Variants in BLK observed in about 807,000 individuals in gnomAD.
BLK encodes the protein BLK proto-oncogene, Src family tyrosine kinase.
BLK carries 64 observed loss-of-function variants against 61.8 expected under a neutral mutation model. The ratio of observed to expected loss-of-function variants is 1.03; its 90% CI spans 0.85 to 1.27. BLK has a LOEUF of 1.27. BLK is among the 50% of genes most tolerant of loss of function. The probability of loss-of-function intolerance (pLI) is 0.00; values close to 1 mark genes in which losing one functional copy is unlikely to be tolerated. For synonymous variants in BLK, 351 were observed against 272.0 expected (o/e 1.29, Z -2.86); for missense variants, 853 against 660.5 (o/e 1.29, Z -3.19).
chr8:11,546,486 G>C (rs1248381335), intron 3 of BLK, among the ~76,000 whole-genome samples: 2 of 152,150 alleles, frequency 1.3e-5, no homozygotes, highest in African/African-American at 2.4e-5. Context: ...GCTCTATGTG[G>C]AGGGCACCTT....
intron 1 of BLK, among the ~76,000 whole-genome samples, chr8:11,515,900 G>C (rs535959587): frequency 6.6e-6 from 1 of 152,230 alleles, no homozygotes; most frequent in Non-Finnish European, 1.5e-5. Context: ...ATATAGAATA[G>C]AGAATACCCA....
intron 1 of BLK, among the ~76,000 whole-genome samples, chr8:11,508,473 C>G (rs758945910): frequency 2.6e-5 from 4 of 152,320 alleles, no homozygotes; most frequent in Middle Eastern, 3.4e-3. Flanking sequence ...ATGTGTGGGA[C>G]CTTCCTTGGC....
intron 9 of BLK, 127 bp downstream of exon 9, chr8:11,556,964 TGTGGGGACAGGGA>T: frequency 1.4e-6 from 1 of 738,032 alleles, no homozygotes; most frequent in Non-Finnish European, 1.9e-6. Context: ...CATGGCACGG[TGTGGGGACAGGGA>T]GGGATGGAGG....
At chr8:11,543,157 C>T in intron 1 of BLK, 67 bp from the exon 2 acceptor site, 1 of 1,609,732 alleles carries the variant, frequency 6.2e-7, no homozygotes, top group East Asian at 2.2e-5. Flanking sequence ...GGCCAGGGAT[C>T]CCCTCTGTGC....
chr8:11,506,811 C>G (rs896550121), intron 1 of BLK, among the ~76,000 whole-genome samples: 1 of 152,218 alleles, frequency 6.6e-6, no homozygotes, highest in Non-Finnish European at 1.5e-5. Context: ...AGGGATGCAT[C>G]CTCCCACTCT....
At position 11,563,028 on chromosome 8, in the gene BLK, G is replaced by C; in HGVS notation, c.1230G>C (p.Gly410=). 2 of 1,614,152 alleles carry C rather than the reference G, an allele frequency of 1.2e-6. No individual in the cohort carries two copies. The highest frequency in any genetic ancestry group is 2.2e-5 in the South Asian group (2 of 91,086). ...KWTAPEAIHF[G]VFTIKADVWS... is the part of the protein sequence containing the mutation. Reference sequence around the variant, plus strand: ...CAGCCCCGGAAGCCATCCACTTCGGGGTCTTCACCATCAAAGCAGACGTGT... The same window carrying C: ...CAGCCCCGGAAGCCATCCACTTCGGCGTCTTCACCATCAAAGCAGACGTGT... Residue 410 remains glycine (G), a synonymous_variant, in exon 12 of 13, where the codon GGG becomes GGC. Coordinates refer to ENST00000259089, the MANE Select transcript of BLK (RefSeq NM_001715.3).
At position 11,520,672 on chromosome 8, in the gene BLK, G is replaced by C. The variant is rs138102397; in HGVS notation, c.-1-22552G>C. On this transcript the variant is annotated intron_variant, in intron 1 of 12. Coordinates refer to ENST00000259089, the MANE Select transcript of BLK (RefSeq NM_001715.3). ...GAAGTGAGAGACGCCTGCTAACATT[G>C]AGATAATTTAACTTTGTTTTGGGAA... 1.2e-4 allele frequency among the ~76,000 whole-genome samples: 19 copies of C among 152,150 alleles called. No individual in the cohort carries two copies. The East Asian group carries it at 3.7e-3, about 29-fold the overall frequency.
intron 1 of BLK, among the ~76,000 whole-genome samples, chr8:11,535,312 G>GAAAGA (rs1554448116): frequency 1.5e-5 from 2 of 134,100 alleles, no homozygotes; most frequent in Admixed American, 7.2e-5. Context: ...AAGAAAGAAA[G>GAAAGA]AAAGAAAGAA....
At chr8:11,544,720 C>A (rs1800544088) in intron 2 of BLK, among the ~76,000 whole-genome samples, 1 of 152,218 alleles carries the variant, frequency 6.6e-6, no homozygotes, top group Non-Finnish European at 1.5e-5. Context: ...CGAGACCCTT[C>A]TTCCGTGTGT....
In BLK at chr8:11,554,832, T is replaced by C. The variant is rs1202301255; in HGVS notation, c.562T>C (p.Tyr188His). The C allele has an allele frequency of 1.2e-6, 2 of 1,614,056 alleles. No homozygotes were observed. Among genetic ancestry groups the C allele is most frequent in the South Asian group, 2.2e-5 (2 of 91,076 alleles). ...KIRCLDEGGY[Y>H]ISPRITFPSL... Reference sequence around the variant, plus strand: ...CCGCTGCCTGGATGAAGGGGGCTACTACATCTCCCCCCGGATCACCTTCCC... The same window carrying C: ...CCGCTGCCTGGATGAAGGGGGCTACCACATCTCCCCCCGGATCACCTTCCC... Residue 188 changes from tyrosine (Y) to histidine (H), a missense_variant, in exon 7 of 13, where the codon TAC (tyrosine) becomes CAC (histidine). Coordinates refer to ENST00000259089, the MANE Select transcript of BLK (RefSeq NM_001715.3).
chr8:11,504,190 T>TGG (rs1310334480), intron 1 of BLK, among the ~76,000 whole-genome samples: 1 of 151,940 alleles, frequency 6.6e-6, no homozygotes, highest in East Asian at 1.9e-4. Flanking sequence ...GGTGTGGTGG[T>TGG]GTGCGACTGT....
chr8:11,556,574 G>C, intron 8 of BLK, 84 bp from the exon 9 acceptor site: 1 of 1,550,190 alleles, frequency 6.5e-7, no homozygotes, highest in Non-Finnish European at 8.9e-7. Context: ...TGGCACCTGG[G>C]CACTTACCCC....
intron 10 of BLK, chr8:11,561,084 G>GC (rs1377804127): frequency 1.4e-6 from 1 of 706,520 alleles, no homozygotes; most frequent in Non-Finnish European, 2.6e-6. Flanking sequence ...GGCACAGGTA[G>GC]CCCCTGTGTC....
chr8:11,530,898 T>A (rs982353238), intron 1 of BLK, among the ~76,000 whole-genome samples: 1 of 152,268 alleles, frequency 6.6e-6, no homozygotes, highest in Non-Finnish European at 1.5e-5. Flanking sequence ...GTGAAATATC[T>A]GGGTCACAGG....
chr8:11,508,258 G>T (rs1199782761), intron 1 of BLK, among the ~76,000 whole-genome samples: 1 of 152,348 alleles, frequency 6.6e-6, no homozygotes, highest in East Asian at 1.9e-4. Context: ...GCACATGCTG[G>T]GAAATCACCC....
At chr8:11,535,346 G>A (rs1198240245) in intron 1 of BLK, among the ~76,000 whole-genome samples, 1 of 150,968 alleles carries the variant, frequency 6.6e-6, no homozygotes, top group Non-Finnish European at 1.5e-5. Context: ...GGAAGGGAAG[G>A]AAGGAAAGGA....
intron 1 of BLK, among the ~76,000 whole-genome samples, chr8:11,505,749 G>T (rs1798748413): frequency 2.0e-5 from 3 of 152,174 alleles, no homozygotes. Context: ...CAAGGGCCAA[G>T]TCTCCCATTG....
intron 1 of BLK, among the ~76,000 whole-genome samples, chr8:11,516,643 G>A (rs80166916): frequency 6.6e-6 from 1 of 152,222 alleles, no homozygotes; most frequent in East Asian, 1.9e-4. Context: ...TCGATGAATT[G>A]GGCTACTTTA....
chr8:11,554,736 C>T lies in BLK; in HGVS notation c.473-7C>T, dbSNP rs200091252. ...ACTTCTCGTGTGTGTCTTCATGAAC[C>T]CTCCAGGTGCCTTCTCCCTGTCTGT... On this transcript the variant is annotated splice_polypyrimidine_tract_variant and splice_region_variant and intron_variant, in intron 6 of 12. Coordinates refer to ENST00000259089, the MANE Select transcript of BLK (RefSeq NM_001715.3). The T allele has an allele frequency of 5.8e-5, 94 of 1,612,934 alleles. No homozygotes were observed. The highest frequency in any genetic ancestry group is 7.7e-5 in the Non-Finnish European group (91 of 1,180,010).
Sources: allele counts gnomAD v4.1 joint callset (sites outside exome capture counted in the v4.1 genomes callset), GRCh38; gene constraint gnomAD v4.1.1; transcripts MANE v1.5; gene names NCBI Gene and HGNC (gene_info 2026-07-23, HGNC 2026-07-21).